The following ZNF385D variants were observed in gnomAD, a reference collection of about 807,000 sequenced individuals.
ZNF385D encodes zinc finger protein 659.
In ZNF385D, 15 loss-of-function variants were observed where a neutral mutation model predicts 35.8. That is an observed-to-expected ratio of 0.42 (90% CI 0.28 to 0.64). The LOEUF is 0.64. ZNF385D is among the 30% of genes least tolerant of loss of function. The pLI is 0.23. For missense variants in ZNF385D, 474 were observed against 494.6 expected (o/e 0.96, Z 0.39); for synonymous variants, 212 against 186.8 (o/e 1.13, Z -1.10).
chr3:22,047,494 T>C (rs748969901), intron 3 of ZNF385D, among the ~76,000 whole-genome samples: 1 of 152,098 alleles, frequency 6.6e-6, no homozygotes, highest in African/African-American at 2.4e-5. Flanking sequence ...TAAGATCATG[T>C]GGTATTTGTC....
At chr3:22,152,090 G>C (rs914084488) in intron 3 of ZNF385D, among the ~76,000 whole-genome samples, 2 of 152,032 alleles carry the variant, frequency 1.3e-5, no homozygotes, top group African/African-American at 4.8e-5. Flanking sequence ...CCACTTCTAA[G>C]TGAGAACACA....
chr3:21,685,643 C>T (rs578117589), intron 1 of ZNF385D, among the ~76,000 whole-genome samples: 4 of 152,166 alleles, frequency 2.6e-5, no homozygotes, highest in Non-Finnish European at 5.9e-5. Context: ...CTAGACAAAT[C>T]TCAAGGGCTC....
chr3:22,005,282 A>C (rs1459570766), intron 3 of ZNF385D, among the ~76,000 whole-genome samples: 1 of 151,926 alleles, frequency 6.6e-6, no homozygotes, highest in African/African-American at 2.4e-5. Flanking sequence ...AGATGAAAAA[A>C]ATAAGAAATT....
chr3:22,071,349 C>A (rs78319097), intron 3 of ZNF385D, among the ~76,000 whole-genome samples: 1 of 152,036 alleles, frequency 6.6e-6, no homozygotes, highest in Non-Finnish European at 1.5e-5. Flanking sequence ...CAGTGAAGAG[C>A]CTAATATTTT....
rs532587856 is a variant in ZNF385D at position 22,241,196 on chromosome 3, A to G, written c.107-72161T>C. Among the ~76,000 whole-genome samples, 145 of 151,342 alleles carry G rather than the reference A, an allele frequency of 9.6e-4. 6 individuals are homozygous for G. Among genetic ancestry groups the G allele is most frequent in the African/African-American group, 3.1e-3 (129 of 41,006 alleles). ...GAAACATTTTTCTCCTTTCCCCAAA[A>G]TAAGTGCCAAATGATGTCTTCTGAA... On this transcript the variant is annotated intron_variant, in intron 2 of 5. Coordinates refer to the ZNF385D transcript ENST00000494108.
intron 4 of ZNF385D, among the ~76,000 whole-genome samples, chr3:21,487,592 G>A (rs943214965): frequency 1.3e-5 from 2 of 151,918 alleles, no homozygotes; most frequent in African/African-American, 4.8e-5. Context: ...TCATAAAATG[G>A]AGAAAATTTG....
intron 3 of ZNF385D, among the ~76,000 whole-genome samples, chr3:21,527,618 A>G (rs909915459): frequency 6.6e-6 from 1 of 152,180 alleles, no homozygotes; most frequent in Non-Finnish European, 1.5e-5. Flanking sequence ...GCTTTCCTCC[A>G]CAGATTAGTA....
chr3:21,560,179 T>C (rs1303590920), intron 3 of ZNF385D, among the ~76,000 whole-genome samples: 1 of 152,222 alleles, frequency 6.6e-6, no homozygotes, highest in Non-Finnish European at 1.5e-5. Flanking sequence ...AAACTCATTC[T>C]GCATCCTGTT....
chr3:21,436,536 T>A (rs1701558091), intron 5 of ZNF385D, among the ~76,000 whole-genome samples: 1 of 152,132 alleles, frequency 6.6e-6, no homozygotes, highest in East Asian at 1.9e-4. Flanking sequence ...AATAACATTA[T>A]TTTTTTCATA....
chr3:22,351,725 C>A (rs919212530), intron 2 of ZNF385D, among the ~76,000 whole-genome samples: 8 of 152,090 alleles, frequency 5.3e-5, no homozygotes, highest in African/African-American at 1.9e-4. Flanking sequence ...TAAAGATTAA[C>A]TCATATCTTC....
chr3:21,830,386 T>C (rs922152525), intron 3 of ZNF385D, among the ~76,000 whole-genome samples: 4 of 152,198 alleles, frequency 2.6e-5, no homozygotes, highest in African/African-American at 7.2e-5. Context: ...AGTGTTGACA[T>C]AGCTGTCACC....
chr3:22,302,690 A>G (rs954821031), intron 2 of ZNF385D, among the ~76,000 whole-genome samples: 1 of 152,072 alleles, frequency 6.6e-6, no homozygotes, highest in Non-Finnish European at 1.5e-5. Flanking sequence ...GATAATTAAG[A>G]TAACTACCAT....
chr3:21,733,245 T>G (rs1028396403), intron 1 of ZNF385D, among the ~76,000 whole-genome samples: 3 of 152,200 alleles, frequency 2.0e-5, no homozygotes, highest in Admixed American at 6.5e-5. Context: ...ATTGACCTAT[T>G]GTTTATTCTT....
intron 3 of ZNF385D, among the ~76,000 whole-genome samples, chr3:22,123,401 G>C (rs1047001678): frequency 2.0e-5 from 3 of 152,104 alleles, no homozygotes; most frequent in African/African-American, 7.2e-5. Context: ...GATGAGGTAA[G>C]TGTATATATT....
intron 1 of ZNF385D, among the ~76,000 whole-genome samples, chr3:21,678,387 C>A (rs1414027381): frequency 6.6e-6 from 1 of 152,082 alleles, no homozygotes; most frequent in Non-Finnish European, 1.5e-5. Flanking sequence ...GCTCATGATT[C>A]CAATGTGACT....
chr3:21,495,727 TA>T (rs1575047692), intron 4 of ZNF385D, among the ~76,000 whole-genome samples: 1 of 151,814 alleles, frequency 6.6e-6, no homozygotes, highest in Non-Finnish European at 1.5e-5. Flanking sequence ...AAGTGAGATG[TA>T]AAAAAACATA....
At chr3:21,517,500 T>A (rs770570975) in intron 3 of ZNF385D, among the ~76,000 whole-genome samples, 1 of 152,190 alleles carries the variant, frequency 6.6e-6, no homozygotes, top group Non-Finnish European at 1.5e-5. Context: ...CTTTTTTTCT[T>A]ATTACTGTCT....
In ZNF385D at chr3:21,847,915, G is replaced by A. The variant is rs953045060; in HGVS notation, c.326-182887C>T. 4.6e-5 allele frequency among the ~76,000 whole-genome samples: 7 copies of A among 152,030 alleles called. No homozygotes were observed. In the South Asian group the frequency reaches 1.2e-3, roughly 27 times the overall value. On this transcript the variant is annotated intron_variant, in intron 3 of 5. Coordinates refer to the ZNF385D transcript ENST00000494108. ...CATTGCTGACTATAGGCACCATGTC[G>A]TGCAGCAGATACCTAGGACATTTTC...
chr3:21,494,647 A>AG (rs1705687711), intron 4 of ZNF385D, among the ~76,000 whole-genome samples: 1 of 152,100 alleles, frequency 6.6e-6, no homozygotes, highest in African/African-American at 2.4e-5. Flanking sequence ...TTATCTGTAA[A>AG]TTTAAGAACA....
Sources: allele counts gnomAD v4.1 joint callset (sites outside exome capture counted in the v4.1 genomes callset), GRCh38; gene constraint gnomAD v4.1.1; transcripts MANE v1.5; gene names NCBI Gene and HGNC (gene_info 2026-07-23, HGNC 2026-07-21).